PDE6A: variants seen among roughly 807,000 people sequenced by gnomAD.
PDE6A encodes the protein phosphodiesterase 6A.
A neutral mutation model predicts 106.3 loss-of-function variants in PDE6A; 84 were observed. The ratio of observed to expected loss-of-function variants is 0.79; its 90% CI spans 0.66 to 0.95. PDE6A has a LOEUF of 0.95. PDE6A is among the 40% of genes least tolerant of loss of function. The pLI, the probability that PDE6A is intolerant of heterozygous loss-of-function variation, is 0.00. For synonymous variants in PDE6A, 394 were observed against 386.6 expected, an observed-to-expected ratio of 1.02 and a Z score of -0.23; for missense variants, 1,052 against 1,084.9, an observed-to-expected ratio of 0.97 and a Z score of 0.43.
chr5:149,895,763 GTGTC>G (rs1485865273), intron 12 of PDE6A, among the ~76,000 whole-genome samples: 16 of 152,250 alleles, frequency 1.1e-4, no homozygotes, highest in African/African-American at 3.6e-4. Flanking sequence ...GTGTGTGTGT[GTGTC>G]TGTGTGTGTG....
At chr5:149,887,600 G>T (rs1301110488) in intron 13 of PDE6A, among the ~76,000 whole-genome samples, 4 of 152,052 alleles carry the variant, frequency 2.6e-5, no homozygotes, top group Non-Finnish European at 1.5e-5. Flanking sequence ...CCATTATTTT[G>T]CAGACCTTGG....
At chr5:149,895,755 G>C (rs1581177224) in intron 12 of PDE6A, among the ~76,000 whole-genome samples, 1 of 152,154 alleles carries the variant, frequency 6.6e-6, no homozygotes, top group East Asian at 1.9e-4. Flanking sequence ...GGGAGTGTGT[G>C]TGTGTGTGTG....
rs559262774 is a variant in PDE6A, at chr5:149,891,978, C to T, written c.1728+3205G>A. Among the ~76,000 whole-genome samples the T allele has an allele frequency of 3.1e-4, 47 of 152,270 alleles. 1 individual carries two copies. Among genetic ancestry groups the T allele is most frequent in the African/African-American group, 1.0e-3 (42 of 41,542 alleles). ...CTGGTTTTATAGAACCGTTCCCATA[C>T]AGGAAGGCTGATGCTATAACACTAC... is the stretch of plus-strand genomic sequence containing the variant. On this transcript the variant is annotated intron_variant, in intron 13 of 21. Transcript: ENST00000255266.
chr5:149,931,271 T>G, intron 3 of PDE6A, 103 bp from the exon 4 acceptor site: 2 of 1,026,686 alleles, frequency 1.9e-6, no homozygotes, highest in Non-Finnish European at 3.0e-6. Flanking sequence ...GGAGTTTATT[T>G]CATTTACCCT....
chr5:149,864,584 C>T (rs914066836), intron 20 of PDE6A, among the ~76,000 whole-genome samples: 2 of 152,182 alleles, frequency 1.3e-5, no homozygotes, highest in Non-Finnish European at 2.9e-5. Flanking sequence ...GCACATTATA[C>T]TTTATGAGCA....
intron 5 of PDE6A, among the ~76,000 whole-genome samples, chr5:149,915,368 A>G (rs555354310): frequency 1.3e-5 from 2 of 152,180 alleles, no homozygotes; most frequent in South Asian, 4.2e-4. Context: ...CCTGAAACCA[A>G]CTTTGTCCTT....
intron 5 of PDE6A, among the ~76,000 whole-genome samples, chr5:149,916,259 A>G (rs969535979): frequency 6.6e-6 from 1 of 152,240 alleles, no homozygotes; most frequent in Non-Finnish European, 1.5e-5. Flanking sequence ...CATTAAATAT[A>G]GAGATTCGTC....
chr5:149,910,398 A>G (rs892530069), intron 6 of PDE6A, among the ~76,000 whole-genome samples: 2 of 152,220 alleles, frequency 1.3e-5, no homozygotes, highest in Non-Finnish European at 2.9e-5. Context: ...GAAAGATTAA[A>G]TGCTGCCAAT....
intron 5 of PDE6A, among the ~76,000 whole-genome samples, chr5:149,920,226 T>G (rs914608695): frequency 6.6e-6 from 1 of 151,832 alleles, no homozygotes; most frequent in Non-Finnish European, 1.5e-5. Flanking sequence ...GATCAGAAAC[T>G]TAAATGCCTA....
Position 149,899,504 on chromosome 5 carries a change from A to C in PDE6A, c.1134T>G (p.Ser378=). ...AAAGCACATTTTTAATCATCCATCC[A>C]GACTCATCCAGAGGTTCTTTCTACA... ...FAFQKEPLDE[S]GWMIKNVLSM... The change falls in exon 9 of 22, where the codon TCT becomes TCG. Residue 378 remains serine (S), a synonymous_variant. Transcript: ENST00000255266. 6 of 1,614,180 alleles carry C rather than the reference A, an allele frequency of 3.7e-6. No individual in the cohort carries two copies. Among genetic ancestry groups the C allele is most frequent in the Non-Finnish European group, 5.1e-6 (6 of 1,180,022 alleles).
chr5:149,906,526 A>AAAAAAAAAAAAAAAAAAAAAC, intron 7 of PDE6A, among the ~76,000 whole-genome samples: 1 of 147,674 alleles, frequency 6.8e-6, no homozygotes, highest in Non-Finnish European at 1.5e-5. Context: ...TGTCAAAAAA[A>AAAAAAAAAAAAAAAAAAAAAC]AAAAAAAAAA....
rs386405293 is a variant in PDE6A, at chr5:149,910,874, CTTTTTT to C, written c.999-3502_999-3497del. ...TTCCAAACAAGCCAGTTTCTTTTTCCTTTTTTTTTTTTTTTTTTTTTTTGAGACAGG... is the reference window on the plus strand; with the variant it reads ...TTCCAAACAAGCCAGTTTCTTTTTCCTTTTTTTTTTTTTTTTTGAGACAGG... On this transcript the variant is annotated intron_variant, in intron 6 of 21. Transcript: ENST00000255266. Among the ~76,000 whole-genome samples the C allele has an allele frequency of 1.1e-4, 10 of 87,152 alleles. No homozygotes were observed. The East Asian group carries it at 2.1e-3, about 18-fold the overall frequency. 57.2% of individuals were successfully genotyped at this position (87,152 alleles called of 152,430 possible).
intron 5 of PDE6A, among the ~76,000 whole-genome samples, chr5:149,917,215 G>A (rs143195779): frequency 0.011 from 1,604 of 151,990 alleles, 33 homozygotes; most frequent in African/African-American, 0.036. Context: ...TACTGGAGGC[G>A]TGACTCACTC....
At chr5:149,940,505 C>CTCTTTTTTTTTTT (rs1754299296) in intron 1 of PDE6A, among the ~76,000 whole-genome samples, 1 of 142,018 alleles carries the variant, frequency 7.0e-6, no homozygotes, top group African/African-American at 2.7e-5. Flanking sequence ...TGTTTGAATC[C>CTCTTTTTTTTTTT]TTTTTTTTTT....
intron 12 of PDE6A, 79 bp downstream of exon 12, chr5:149,896,277 T>G: frequency 8.3e-7 from 1 of 1,208,990 alleles, no homozygotes; most frequent in Middle Eastern, 2.7e-4. Context: ...TAAGGTAGTT[T>G]ACAGATTGAG....
intron 17 of PDE6A, among the ~76,000 whole-genome samples, chr5:149,868,882 T>C (rs966523242): frequency 6.6e-5 from 10 of 152,224 alleles, no homozygotes; most frequent in Admixed American, 6.5e-4. Flanking sequence ...TTTAGGAGTT[T>C]TGTTTAATAC....
At chr5:149,928,577 T>G (rs1034565387) in intron 4 of PDE6A, among the ~76,000 whole-genome samples, 1 of 152,046 alleles carries the variant, frequency 6.6e-6, no homozygotes, top group Non-Finnish European at 1.5e-5. Context: ...TGCGGTAGGT[T>G]TTTCTTATAC....
chr5:149,926,760 A>G (rs1022867618), intron 4 of PDE6A, among the ~76,000 whole-genome samples: 1 of 152,146 alleles, frequency 6.6e-6, no homozygotes, highest in Non-Finnish European at 1.5e-5. Context: ...TGGGTGGATC[A>G]CGAGGTCAGG....
intron 5 of PDE6A, among the ~76,000 whole-genome samples, chr5:149,918,697 A>C (rs1291894351): frequency 6.6e-6 from 1 of 152,052 alleles, no homozygotes; most frequent in Non-Finnish European, 1.5e-5. Flanking sequence ...CTGGAGCCTC[A>C]GTTTCCCAGG....
Sources: gnomAD v4.1 joint callset for allele counts (sites outside exome capture counted in the v4.1 genomes callset) on GRCh38, gnomAD v4.1.1 for gene constraint, MANE v1.5 for transcripts, NCBI Gene and HGNC (gene_info 2026-07-23, HGNC 2026-07-21) for gene names.